SORCS1: variants seen among roughly 807,000 people sequenced by gnomAD.
SORCS1 encodes sortilin related VPS10 domain containing receptor 1.
A neutral mutation model predicts 146.1 loss-of-function variants in SORCS1; 60 were observed. That is an observed-to-expected ratio of 0.41 (90% CI 0.33 to 0.51). The LOEUF is 0.51. Ranked by LOEUF, SORCS1 falls within the 20% of genes least tolerant of loss-of-function variation. The pLI is 0.21. For missense variants in SORCS1, 1,352 were observed against 1,487.6 expected (o/e 0.91, Z 1.50); for synonymous variants, 637 against 584.0 (o/e 1.09, Z -1.31).
At chr10:107,049,699 G>A (rs544555121) in intron 1 of SORCS1, among the ~76,000 whole-genome samples, 1 of 152,232 alleles carries the variant, frequency 6.6e-6, no homozygotes, top group Non-Finnish European at 1.5e-5. Flanking sequence ...TTTGTACTGG[G>A]AGACTAGAAC....
chr10:106,937,748 G>A (rs1953817765), intron 2 of SORCS1, among the ~76,000 whole-genome samples: 1 of 152,126 alleles, frequency 6.6e-6, no homozygotes, highest in South Asian at 2.1e-4. Context: ...TGGATCACCT[G>A]AGGTCAGGAG....
At chr10:106,946,438 C>T (rs1954349248) in intron 2 of SORCS1, among the ~76,000 whole-genome samples, 2 of 152,128 alleles carry the variant, frequency 1.3e-5, no homozygotes, top group African/African-American at 4.8e-5. Flanking sequence ...CGGGTCTTCC[C>T]CCATACTATT....
At chr10:107,036,912 T>G (rs1301868197) in intron 1 of SORCS1, among the ~76,000 whole-genome samples, 1 of 152,210 alleles carries the variant, frequency 6.6e-6, no homozygotes, top group African/African-American at 2.4e-5. Flanking sequence ...TAAAGAAGGC[T>G]CCATTCTTGC....
intron 3 of SORCS1, among the ~76,000 whole-genome samples, chr10:106,792,666 A>G (rs1167883336): frequency 6.6e-6 from 1 of 152,268 alleles, no homozygotes; most frequent in East Asian, 1.9e-4. Flanking sequence ...GCACGGGCTT[A>G]TAGAGTAACT....
intron 5 of SORCS1, among the ~76,000 whole-genome samples, chr10:106,740,305 C>T (rs1370108686): frequency 1.3e-5 from 2 of 152,156 alleles, no homozygotes; most frequent in Non-Finnish European, 2.9e-5. Flanking sequence ...GAGACTGTTG[C>T]TCTAAACTGA....
intron 2 of SORCS1, among the ~76,000 whole-genome samples, chr10:106,950,796 A>G (rs1481264598): frequency 6.6e-6 from 1 of 152,154 alleles, no homozygotes; most frequent in African/African-American, 2.4e-5. Flanking sequence ...ACTACTTGCT[A>G]ATTGTGCGAC....
At chr10:107,170,552 G>A in the SORCS1 span, among the ~76,000 whole-genome samples, 3 of 152,206 alleles carry the variant, frequency 2.0e-5, no homozygotes, top group African/African-American at 4.8e-5. Context: ...GACTCCTGTG[G>A]CATAATATTC....
At chr10:106,855,196 C>G (rs1456876565) in intron 2 of SORCS1, among the ~76,000 whole-genome samples, 1 of 152,118 alleles carries the variant, frequency 6.6e-6, no homozygotes, top group Non-Finnish European at 1.5e-5. Flanking sequence ...ATATTTCATC[C>G]CACTCTCTTC....
At chr10:106,906,676 A>G (rs565307548) in intron 2 of SORCS1, among the ~76,000 whole-genome samples, 1 of 152,336 alleles carries the variant, frequency 6.6e-6, no homozygotes, top group African/African-American at 2.4e-5. Flanking sequence ...TCTGGGAGAT[A>G]CAATTCCAGT....
At chr10:107,169,473 G>T (rs1444992978), upstream of SORCS1, among the ~76,000 whole-genome samples, 1 of 152,184 alleles carries the variant, frequency 6.6e-6, no homozygotes, top group Non-Finnish European at 1.5e-5. Flanking sequence ...AGTGGTGTTA[G>T]TAGGAGCACA....
chr10:106,839,403 C>T (rs1420378371), intron 2 of SORCS1, among the ~76,000 whole-genome samples: 1 of 152,084 alleles, frequency 6.6e-6, no homozygotes, highest in African/African-American at 2.4e-5. Flanking sequence ...AAAACATAAC[C>T]CAGAGCAAGG....
chr10:106,731,078 G>A (rs1419052842), intron 5 of SORCS1, among the ~76,000 whole-genome samples: 1 of 151,912 alleles, frequency 6.6e-6, no homozygotes, highest in Non-Finnish European at 1.5e-5. Flanking sequence ...GGGAGGCTGA[G>A]GTGGGCGGAT....
At chr10:106,579,341 G>C (rs767624840) in intron 25 of SORCS1, 28 bp downstream of exon 25, 3 of 1,614,040 alleles carry the variant, frequency 1.9e-6, no homozygotes, top group Non-Finnish European at 8.5e-7. Flanking sequence ...GGTCAGGGGT[G>C]GGGGAACGTG....
At chr10:107,140,907 G>T (rs117071676) in intron 1 of SORCS1, among the ~76,000 whole-genome samples, 1 of 152,204 alleles carries the variant, frequency 6.6e-6, no homozygotes, top group South Asian at 2.1e-4. Context: ...AATATTTCCC[G>T]ACTGGTAAAC....
At chr10:106,668,992 T>C (rs1186887921) in intron 16 of SORCS1, among the ~76,000 whole-genome samples, 1 of 152,078 alleles carries the variant, frequency 6.6e-6, no homozygotes, top group East Asian at 1.9e-4. Context: ...TTCCCAAATA[T>C]TTTCAGAAAT....
intron 18 of SORCS1, among the ~76,000 whole-genome samples, chr10:106,638,266 G>A (rs1398365592): frequency 6.6e-6 from 1 of 152,124 alleles, no homozygotes; most frequent in Non-Finnish European, 1.5e-5. Context: ...ATTCAGCTAT[G>A]TAATTAGAAC....
intron 5 of SORCS1, among the ~76,000 whole-genome samples, chr10:106,750,786 G>T (rs1387872237): frequency 7.2e-6 from 1 of 138,770 alleles, no homozygotes; most frequent in African/African-American, 2.7e-5. Flanking sequence ...AAGGCCGGGC[G>T]CTGTGGCTCA....
chr10:106,664,310 C>T (rs1014121564), intron 17 of SORCS1, among the ~76,000 whole-genome samples: 4 of 152,020 alleles, frequency 2.6e-5, no homozygotes, highest in South Asian at 2.1e-4. Flanking sequence ...ATTACTTAAT[C>T]GTCACTGATG....
intron 1 of SORCS1, among the ~76,000 whole-genome samples, chr10:107,041,404 TA>T (rs5787703): frequency 0.47 from 66,706 of 142,056 alleles, 15,770 homozygotes; most frequent in East Asian, 0.75. Context: ...TAAAGGGGAT[TA>T]AAAAAAAAAA....
Sources: gnomAD v4.1 joint callset for allele counts (sites outside exome capture counted in the v4.1 genomes callset) on GRCh38, gnomAD v4.1.1 for gene constraint, MANE v1.5 for transcripts, NCBI Gene and HGNC (gene_info 2026-07-23, HGNC 2026-07-21) for gene names.